The following GMDS variants were observed in gnomAD, a reference collection of about 807,000 sequenced individuals.
GMDS encodes GDP-mannose 4,6 dehydratase.
GMDS carries 20 observed loss-of-function variants against 49.9 expected under a neutral mutation model. That is an observed-to-expected ratio of 0.40 (90% CI 0.28 to 0.58). The LOEUF is 0.58. GMDS is among the 20% of genes least tolerant of loss of function. The pLI, the probability that GMDS is intolerant of heterozygous loss-of-function variation, is 0.42. For missense variants in GMDS, 362 were observed against 481.4 expected, an observed-to-expected ratio of 0.75 and a Z score of 2.32; for synonymous variants, 177 against 178.6, an observed-to-expected ratio of 0.99 and a Z score of 0.07.
chr6:2,019,783 A>G (rs924194728), intron 4 of GMDS, among the ~76,000 whole-genome samples: 2 of 152,128 alleles, frequency 1.3e-5, no homozygotes, highest in Admixed American at 6.5e-5. Flanking sequence ...GGTGGCTATT[A>G]TCATGAAAGG....
rs554539292 is a variant in GMDS, at chr6:2,151,554, G to A, written c.103-26823C>T. ...AGGTAAATTCTTGTAATCAGTTTCT[G>A]AGATAATGTATAAAAGCTCTTAGTG... On this transcript the variant is annotated intron_variant, in intron 1 of 10. Coordinates refer to ENST00000380815, the MANE Select transcript of GMDS (RefSeq NM_001500.4). 2.6e-5 allele frequency among the ~76,000 whole-genome samples: 4 copies of A among 152,066 alleles called. No individual in the cohort carries two copies. In the South Asian group the frequency reaches 8.3e-4, roughly 32 times the overall value.
rs1431821598 is a variant in GMDS at position 1,738,015 on chromosome 6, TACAC to T, written c.890+4449_890+4452del. Among the ~76,000 whole-genome samples the T allele has an allele frequency of 1.3e-4, 6 of 47,192 alleles. No individual in the cohort carries two copies. In the East Asian group the frequency reaches 3.8e-3, roughly 30 times the overall value. The allele number at this position is 47,192 out of a possible 152,430, so 31.0% of individuals were successfully genotyped here. A position where few individuals can be genotyped will look rare whatever the true frequency, so the allele number is the denominator to read the frequency against. On this transcript the variant is annotated intron_variant, in intron 8 of 10. Coordinates refer to ENST00000380815, the MANE Select transcript of GMDS (RefSeq NM_001500.4). ...AACACACCACACACACAGACACACA[TACAC>T]ACATACACACACCACACACACACAC...
At chr6:1,853,517 C>CAAAAAAAAAAAAAAAAA (rs34773610) in intron 7 of GMDS, among the ~76,000 whole-genome samples, 1 of 70,390 alleles carries the variant, frequency 1.4e-5, no homozygotes, top group Non-Finnish European at 2.6e-5. Context: ...GACTCCGTCT[C>CAAAAAAAAAAAAAAAAA]AAAAAAAAAA....
At chr6:1,662,922 C>T (rs1340372786) in intron 9 of GMDS, among the ~76,000 whole-genome samples, 1 of 152,156 alleles carries the variant, frequency 6.6e-6, no homozygotes, top group Non-Finnish European at 1.5e-5. Context: ...TTCCATAGTG[C>T]ATGAATCCTC....
At chr6:1,843,785 G>A (rs910167749) in intron 7 of GMDS, among the ~76,000 whole-genome samples, 1 of 152,092 alleles carries the variant, frequency 6.6e-6, no homozygotes, top group African/African-American at 2.4e-5. Context: ...ATAAATAAAT[G>A]CATGCATGCG....
chr6:1,957,443 ATAG>A (rs1394175945), intron 6 of GMDS, among the ~76,000 whole-genome samples: 8 of 152,226 alleles, frequency 5.3e-5, no homozygotes, highest in Admixed American at 2.6e-4. Flanking sequence ...AATGCTGTAA[ATAG>A]TAGGCATTAC....
intron 7 of GMDS, among the ~76,000 whole-genome samples, chr6:1,850,512 A>C (rs1757615768): frequency 6.6e-6 from 1 of 152,194 alleles, no homozygotes; most frequent in East Asian, 1.9e-4. Context: ...GCACCTGTTA[A>C]TTTTGCCTTT....
At chr6:1,959,036 T>C (rs1049624150) in intron 6 of GMDS, among the ~76,000 whole-genome samples, 1 of 152,120 alleles carries the variant, frequency 6.6e-6, no homozygotes, top group Non-Finnish European at 1.5e-5. Flanking sequence ...TACAAACAAA[T>C]ACAGTTTTCC....
At chr6:1,676,463 C>T (rs1288357695) in intron 9 of GMDS, among the ~76,000 whole-genome samples, 1 of 152,188 alleles carries the variant, frequency 6.6e-6, no homozygotes, top group Non-Finnish European at 1.5e-5. Context: ...AAAAAAGAGC[C>T]CGCATTGCTA....
intron 10 of GMDS, 26 bp from the exon 11 acceptor site, chr6:1,624,257 G>T: frequency 6.2e-7 from 1 of 1,605,428 alleles, no homozygotes. Flanking sequence ...GGGCGTGAGG[G>T]AGGAGCTTCT....
intron 7 of GMDS, among the ~76,000 whole-genome samples, chr6:1,917,449 T>C (rs1761461818): frequency 6.6e-6 from 1 of 152,204 alleles, no homozygotes; most frequent in African/African-American, 2.4e-5. Flanking sequence ...GTCAAATATG[T>C]GTTGGGAGAA....
chr6:2,164,302 G>A (rs1777553384), intron 1 of GMDS, among the ~76,000 whole-genome samples: 1 of 152,144 alleles, frequency 6.6e-6, no homozygotes. Context: ...GAAAACTCAA[G>A]TAGTTATTTT....
intron 7 of GMDS, among the ~76,000 whole-genome samples, chr6:1,790,206 G>A (rs1232139563): frequency 6.6e-6 from 1 of 152,110 alleles, no homozygotes; most frequent in Non-Finnish European, 1.5e-5. Flanking sequence ...TGACAGCTCA[G>A]AAAGAAATTT....
intron 7 of GMDS, among the ~76,000 whole-genome samples, chr6:1,904,958 G>C (rs536869046): frequency 1.3e-5 from 2 of 152,168 alleles, no homozygotes; most frequent in Admixed American, 1.3e-4. Flanking sequence ...AAAATGTGTT[G>C]CAAAACAAAG....
At chr6:2,187,314 G>A (rs1203349867) in intron 1 of GMDS, among the ~76,000 whole-genome samples, 1 of 152,214 alleles carries the variant, frequency 6.6e-6, no homozygotes, top group African/African-American at 2.4e-5. Context: ...CCTGTGGGAA[G>A]TACGTTTCCT....
At chr6:2,233,352 C>T (rs547096620) in intron 1 of GMDS, among the ~76,000 whole-genome samples, 1 of 152,292 alleles carries the variant, frequency 6.6e-6, no homozygotes, top group East Asian at 1.9e-4. Context: ...CACTATCCAC[C>T]CTAAGGAAGA....
intron 7 of GMDS, among the ~76,000 whole-genome samples, chr6:1,764,002 G>C (rs1768254784): frequency 6.6e-6 from 1 of 152,148 alleles, no homozygotes; most frequent in African/African-American, 2.4e-5. Context: ...GCAGGGGAAA[G>C]ACAGAGCGGG....
At chr6:2,049,847 T>C (rs1391477179) in intron 4 of GMDS, among the ~76,000 whole-genome samples, 2 of 152,162 alleles carry the variant, frequency 1.3e-5, no homozygotes, top group African/African-American at 2.4e-5. Flanking sequence ...AAAGACACAA[T>C]GTACCAGAAT....
At chr6:1,653,085 C>T (rs116845989) in intron 9 of GMDS, among the ~76,000 whole-genome samples, 1,524 of 152,026 alleles carry the variant, frequency 0.01, 57 homozygotes, top group Admixed American at 0.066. Context: ...TTGAGGAGCA[C>T]AGATGCATGC....
Sources: allele counts gnomAD v4.1 joint callset (sites outside exome capture counted in the v4.1 genomes callset), GRCh38; gene constraint gnomAD v4.1.1; transcripts MANE v1.5; gene names NCBI Gene and HGNC (gene_info 2026-07-23, HGNC 2026-07-21).